Variants in CFAP69 observed in about 807,000 individuals in gnomAD.
The protein encoded by CFAP69 is cilia- and flagella-associated protein 69.
A neutral mutation model predicts 123.0 loss-of-function variants in CFAP69; 92 were observed. That is an observed-to-expected ratio of 0.75 (90% confidence interval 0.63 to 0.89). The LOEUF (loss-of-function observed/expected upper bound fraction) is 0.89, where lower values mean the gene tolerates loss of function less well. Ranked by LOEUF, CFAP69 falls within the 40% of genes least tolerant of loss-of-function variation. The pLI is 0.00. For missense variants in CFAP69, 1,067 were observed against 1,096.9 expected (o/e 0.97, Z 0.39); for synonymous variants, 380 against 364.3 (o/e 1.04, Z -0.49).
chr7:90,278,407 A>G (rs1333034527), intron 11 of CFAP69, among the ~76,000 whole-genome samples: 1 of 152,142 alleles, frequency 6.6e-6, no homozygotes, highest in East Asian at 1.9e-4. Context: ...AGTTGTCTTT[A>G]TAATTATAAC....
intron 21 of CFAP69, among the ~76,000 whole-genome samples, chr7:90,309,007 C>T (rs919900991): frequency 6.6e-6 from 1 of 152,000 alleles, no homozygotes; most frequent in Non-Finnish European, 1.5e-5. Flanking sequence ...ACTCCTTGGT[C>T]ATATATGGAT....
intron 4 of CFAP69, among the ~76,000 whole-genome samples, chr7:90,264,842 G>A (rs1798916752): frequency 6.6e-6 from 1 of 151,694 alleles, no homozygotes; most frequent in Admixed American, 6.6e-5. Flanking sequence ...TCGCCAGGCT[G>A]GAGTGCAGTG....
At chr7:90,304,643 GTAGATAGA>G (rs66750678) in intron 18 of CFAP69, 93 bp from the exon 19 acceptor site, 104,655 of 1,276,492 alleles carry the variant, frequency 0.082, 4,205 homozygotes, top group Non-Finnish European at 0.09. Context: ...TTTTAGATAG[GTAGATAGA>G]TAGATAGATA....
chr7:90,277,006 G>T, intron 9 of CFAP69, 67 bp from the exon 10 acceptor site: 1 of 1,114,428 alleles, frequency 9.0e-7, no homozygotes, highest in South Asian at 1.6e-5. Context: ...TAGTAAATAT[G>T]AGCATCTGCA....
Position 90,304,762 on chromosome 7 carries a change from G to A in CFAP69, c.2207G>A (p.Gly736Asp). The change falls in exon 19 of 23, where the codon GGC becomes GAC. Residue 736 changes from glycine to aspartate, a missense_variant. Gly to Asp is a moderately conservative substitution (Grantham distance 94). Transcript: ENST00000389297. ...ATTTTAGATTTTGAAAATTTACCTG[G>A]CCTATCTGCTGAAGATTTTGTCACC... ...LGKLDFENLPGLSAEDFVTLC... is the reference protein window; with the variant it reads ...LGKLDFENLPDLSAEDFVTLC... 6 of 1,599,832 alleles carry A rather than the reference G, an allele frequency of 3.8e-6. No individual in the cohort carries two copies. Among genetic ancestry groups the A allele is most frequent in the Non-Finnish European group, 5.1e-6 (6 of 1,172,572 alleles).
chr7:90,245,652 G>A, intron 1 of CFAP69, 108 bp downstream of exon 1: 1 of 1,338,022 alleles, frequency 7.5e-7, no homozygotes, highest in South Asian at 1.8e-5. Flanking sequence ...CAGGAGTGAA[G>A]ATGGGGGAAG....
chr7:90,311,422 C>G (rs141265276), downstream of CFAP69, among the ~76,000 whole-genome samples: 106 of 152,340 alleles, frequency 7.0e-4, no homozygotes, highest in African/African-American at 2.4e-3. Context: ...GGGAAAAGCC[C>G]TGATTTACAT....
intron 3 of CFAP69, among the ~76,000 whole-genome samples, chr7:90,258,717 T>C (rs1012299834): frequency 1.1e-4 from 17 of 152,318 alleles, no homozygotes; most frequent in African/African-American, 1.9e-4. Context: ...ACCACAGAAA[T>C]ACTGGAGAGG....
rs1474293352 is a variant in CFAP69 at position 90,310,287 on chromosome 7, T to C, written c.*49T>C. 1 of 1,370,660 alleles carries C rather than the reference T, an allele frequency of 7.3e-7. No homozygotes were observed. Among genetic ancestry groups the C allele is most frequent in the Non-Finnish European group, 9.9e-7 (1 of 1,007,274 alleles). 84.9% of individuals were successfully genotyped at this position (1,370,660 alleles called of 1,614,324 possible). ...TAAAGTCAGCTTATAATTTTTTAGC[T>C]GAATATATCTTTATACATATGTAAA... On this transcript the variant is annotated 3_prime_UTR_variant, in exon 23 of 23. Coordinates refer to ENST00000389297, the MANE Select transcript of CFAP69 (RefSeq NM_001039706.3).
intron 2 of CFAP69, among the ~76,000 whole-genome samples, chr7:90,257,549 C>T (rs1044044038): frequency 2.0e-5 from 3 of 152,162 alleles, no homozygotes; most frequent in Admixed American, 6.5e-5. Flanking sequence ...GTCTTCCTAT[C>T]TTTTGTAATT....
At chr7:90,265,148 C>T (rs1798973413) in intron 4 of CFAP69, among the ~76,000 whole-genome samples, 153 bp from the exon 5 acceptor site, 1 of 152,004 alleles carries the variant, frequency 6.6e-6, no homozygotes, top group Admixed American at 6.6e-5. Flanking sequence ...TGTATTACAA[C>T]TGGTAGTTAA....
intron 5 of CFAP69, among the ~76,000 whole-genome samples, 171 bp from the exon 6 acceptor site, chr7:90,268,115 T>C (rs1161595025): frequency 1.3e-5 from 2 of 152,192 alleles, no homozygotes; most frequent in Non-Finnish European, 2.9e-5. Context: ...TTTATATGTA[T>C]GTATGTGTGT....
chr7:90,307,647 A>G (rs1793794176), intron 20 of CFAP69, 121 bp from the exon 21 acceptor site: 1 of 562,268 alleles, frequency 1.8e-6, no homozygotes, highest in East Asian at 3.1e-5. Flanking sequence ...AAATTTTTAA[A>G]AGGCAGAGAG....
chr7:90,299,736 CAGG>C, intron 16 of CFAP69, 128 bp from the exon 17 acceptor site: 1 of 691,084 alleles, frequency 1.4e-6, no homozygotes, highest in South Asian at 2.3e-5. Flanking sequence ...TCCATTTTAA[CAGG>C]AGATTTTCCT....
chr7:90,261,684 A>G (rs1419397847), intron 3 of CFAP69, among the ~76,000 whole-genome samples: 3 of 152,172 alleles, frequency 2.0e-5, no homozygotes, highest in Non-Finnish European at 4.4e-5. Context: ...TCTGTGTTGT[A>G]GCAGTTGGTA....
At chr7:90,272,079 T>G in intron 8 of CFAP69, 121 bp downstream of exon 8, 1 of 909,528 alleles carries the variant, frequency 1.1e-6, no homozygotes, top group Non-Finnish European at 1.6e-6. Context: ...AATGGCTATG[T>G]TTCAGGACAT....
At chr7:90,295,706 A>G (rs1306100575) in intron 15 of CFAP69, among the ~76,000 whole-genome samples, 3 of 152,190 alleles carry the variant, frequency 2.0e-5, no homozygotes, top group Non-Finnish European at 2.9e-5. Flanking sequence ...AGTGAAAGCA[A>G]TTTATTAGGA....
At position 90,310,288 on chromosome 7, in the gene CFAP69, G is replaced by A. The variant is rs994756634; in HGVS notation, c.*50G>A. 11 of 1,364,186 alleles carry A rather than the reference G, an allele frequency of 8.1e-6. No homozygotes were observed. Among genetic ancestry groups the A allele is most frequent in the Non-Finnish European group, 1.1e-5 (11 of 1,003,948 alleles). The allele number at this position is 1,364,186 out of a possible 1,614,324, so 84.5% of individuals were successfully genotyped here. A position where few individuals can be genotyped will look rare whatever the true frequency, so the allele number is the denominator to read the frequency against. On this transcript the variant is annotated 3_prime_UTR_variant, in exon 23 of 23. Coordinates refer to ENST00000389297, the MANE Select transcript of CFAP69 (RefSeq NM_001039706.3). ...AAAGTCAGCTTATAATTTTTTAGCT[G>A]AATATATCTTTATACATATGTAAAG...
chr7:90,254,050 CAT>C (rs1454727656), intron 1 of CFAP69, among the ~76,000 whole-genome samples: 1 of 152,292 alleles, frequency 6.6e-6, no homozygotes, highest in East Asian at 1.9e-4. Flanking sequence ...CATTCTTCTG[CAT>C]ATGTCTGTCC....
Sources: gnomAD v4.1 joint callset for allele counts (sites outside exome capture counted in the v4.1 genomes callset) on GRCh38, gnomAD v4.1.1 for gene constraint, MANE v1.5 for transcripts, NCBI Gene and HGNC (gene_info 2026-07-23, HGNC 2026-07-21) for gene names.